Variants in C6 observed in about 807,000 individuals in gnomAD.
The protein encoded by C6 is complement component C6.
Under a neutral mutation model 112.9 loss-of-function variants are expected in C6, and 101 were observed. That is an observed-to-expected ratio of 0.89 (90% CI 0.76 to 1.06). The LOEUF is 1.06. C6 is among the 50% of genes least tolerant of loss of function. C6 has a pLI of 0.00. For synonymous variants in C6, 431 were observed against 384.1 expected, an observed-to-expected ratio of 1.12 and a Z score of -1.43; for missense variants, 1,202 against 1,104.6, an observed-to-expected ratio of 1.09 and a Z score of -1.25.
At chr5:41,147,232 G>T (rs74507933) in intron 17 of C6, among the ~76,000 whole-genome samples, 5,251 of 152,266 alleles carry the variant, frequency 0.034, 164 homozygotes, top group African/African-American at 0.073. Flanking sequence ...GTTGAGTAAT[G>T]GTGTTGATCA....
intron 1 of C6, among the ~76,000 whole-genome samples, chr5:41,210,304 T>TG (rs1185058221): frequency 3.3e-5 from 5 of 152,178 alleles, no homozygotes; most frequent in African/African-American, 1.2e-4. Flanking sequence ...GACATAGGCA[T>TG]GGGCAAGGAC....
At chr5:41,231,337 C>G (rs574871945) in intron 1 of C6, among the ~76,000 whole-genome samples, 1 of 151,930 alleles carries the variant, frequency 6.6e-6, no homozygotes, top group Non-Finnish European at 1.5e-5. Context: ...TGTTTCATTT[C>G]TTTTTAATGT....
At chr5:41,246,180 AG>A (rs1741009314) in intron 1 of C6, among the ~76,000 whole-genome samples, 1 of 152,210 alleles carries the variant, frequency 6.6e-6, no homozygotes, top group Non-Finnish European at 1.5e-5. Flanking sequence ...CCAGTCTAAA[AG>A]TCTGCTACTC....
chr5:41,162,986 T>C (rs1747662267), intron 9 of C6, among the ~76,000 whole-genome samples: 1 of 152,146 alleles, frequency 6.6e-6, no homozygotes, highest in Non-Finnish European at 1.5e-5. Flanking sequence ...ATTGATACCA[T>C]GTATTTCATA....
In C6 at chr5:41,254,269, G is replaced by A. The variant is rs561774786; in HGVS notation, c.-21+6925C>T. ...ACAAAAAATTAAATTAGCCGGGTGT[G>A]GTGATGGGCGCCTGTAGTCCCAACT... is the stretch of plus-strand genomic sequence containing the variant. On this transcript the variant is annotated intron_variant, in intron 1 of 17. Coordinates refer to the C6 transcript ENST00000263413. Among the ~76,000 whole-genome samples the A allele has an allele frequency of 7.2e-5, 11 of 152,220 alleles. No individual in the cohort carries two copies. In the South Asian group the frequency reaches 2.3e-3, roughly 32 times the overall value.
Position 41,213,461 on chromosome 5 carries a change from T to A in C6, c.-106A>T. 1.0e-6 allele frequency: 1 copy of A among 985,394 alleles called. No individual in the cohort carries two copies. 61.0% of individuals were successfully genotyped at this position (985,394 alleles called of 1,614,324 possible). On this transcript the variant is annotated 5_prime_UTR_variant, in exon 1 of 18. Transcript: ENST00000337836. Reference sequence around the variant, plus strand: ...GTATGCAGAATGAAGAGGGTATATATGTTAATCCAAACAAAGCTTCTTTTC... The same window carrying A: ...GTATGCAGAATGAAGAGGGTATATAAGTTAATCCAAACAAAGCTTCTTTTC...
chr5:41,261,329 A>C, exon 1 of C6: 2 of 377,096 alleles, frequency 5.3e-6, no homozygotes, highest in Non-Finnish European at 7.3e-6. Context: ...TTTAAGCTAG[A>C]AACATCTCTC....
intron 15 of C6, among the ~76,000 whole-genome samples, chr5:41,151,143 A>G (rs1420489929): frequency 6.6e-6 from 1 of 152,156 alleles, no homozygotes; most frequent in Admixed American, 6.5e-5. Flanking sequence ...GAAATTAATT[A>G]TGGCTTCTGT....
At chr5:41,172,015 T>A (rs1748461280) in intron 9 of C6, among the ~76,000 whole-genome samples, 1 of 152,194 alleles carries the variant, frequency 6.6e-6, no homozygotes, top group South Asian at 2.1e-4. Flanking sequence ...ACAGCCTAAG[T>A]ATGAGATAAA....
intron 1 of C6, among the ~76,000 whole-genome samples, chr5:41,207,068 T>A (rs1047005895): frequency 6.6e-6 from 1 of 152,222 alleles, no homozygotes; most frequent in African/African-American, 2.4e-5. Context: ...TAGGGGCCAA[T>A]ATACAACATT....
intron 1 of C6, among the ~76,000 whole-genome samples, chr5:41,224,537 T>C (rs964474211): frequency 1.3e-5 from 2 of 152,158 alleles, no homozygotes; most frequent in Non-Finnish European, 2.9e-5. Context: ...TTTGACTAAG[T>C]GCGTTTTCAA....
intron 1 of C6, among the ~76,000 whole-genome samples, chr5:41,243,775 T>C (rs1163672539): frequency 6.6e-6 from 1 of 152,030 alleles, no homozygotes; most frequent in Non-Finnish European, 1.5e-5. Context: ...TAAAAGGCAA[T>C]CCAGAAATAA....
intron 2 of C6, among the ~76,000 whole-genome samples, chr5:41,202,712 C>T (rs1161321509): frequency 6.6e-6 from 1 of 152,142 alleles, no homozygotes; most frequent in African/African-American, 2.4e-5. Context: ...AGCAGTTCTG[C>T]TCAATTGAGG....
In C6 at chr5:41,149,497, AAAGC is replaced by A; in HGVS notation, c.2382-19_2382-16del. 1 of 1,613,718 alleles carries A rather than the reference AAAGC, an allele frequency of 6.2e-7. No homozygotes were observed. The highest frequency in any genetic ancestry group is 8.5e-7 in the Non-Finnish European group (1 of 1,179,936). On this transcript the variant is annotated splice_polypyrimidine_tract_variant and intron_variant, in intron 16 of 17. Coordinates refer to ENST00000337836, the MANE Select transcript of C6 (RefSeq NM_000065.5). ...CTGAATGATGGCTGCCCAAGAGAGG[AAAGC>A]AAGCATTTCTATATGAAGATCAGAA... is the stretch of plus-strand genomic sequence containing the variant.
chr5:41,243,987 T>C (rs1302109465), intron 1 of C6, among the ~76,000 whole-genome samples: 1 of 152,202 alleles, frequency 6.6e-6, no homozygotes, highest in Non-Finnish European at 1.5e-5. Flanking sequence ...TCTTTCCCAG[T>C]CTTATCACCT....
intron 4 of C6, among the ~76,000 whole-genome samples, chr5:41,197,138 T>C (rs1750680359): frequency 1.3e-5 from 2 of 152,188 alleles, no homozygotes; most frequent in African/African-American, 4.8e-5. Flanking sequence ...TAATTAATAG[T>C]GGGTTCCCAA....
chr5:41,259,373 T>C (rs1268863547), intron 1 of C6, among the ~76,000 whole-genome samples: 1 of 152,194 alleles, frequency 6.6e-6, no homozygotes, highest in Non-Finnish European at 1.5e-5. Flanking sequence ...CTAGAATCTC[T>C]TGTATTTTAT....
intron 1 of C6, among the ~76,000 whole-genome samples, chr5:41,232,154 T>C (rs1232570233): frequency 6.6e-6 from 1 of 152,154 alleles, no homozygotes; most frequent in Non-Finnish European, 1.5e-5. Context: ...TTCTGCTTTG[T>C]TTCTTAACCC....
chr5:41,243,333 T>A (rs2150428406), intron 1 of C6, among the ~76,000 whole-genome samples: 1 of 152,338 alleles, frequency 6.6e-6, no homozygotes, highest in South Asian at 2.1e-4. Flanking sequence ...ATGTTGACAC[T>A]CATATCTCAT....
Sources: allele counts gnomAD v4.1 joint callset (sites outside exome capture counted in the v4.1 genomes callset), GRCh38; gene constraint gnomAD v4.1.1; transcripts MANE v1.5; gene names NCBI Gene and HGNC (gene_info 2026-07-23, HGNC 2026-07-21).